Variants in PRDM16 observed in about 807,000 individuals in gnomAD.
PRDM16 encodes PR/SET domain 16.
Under a neutral mutation model 110.6 loss-of-function variants are expected in PRDM16, and 23 were observed. The ratio of observed to expected loss-of-function variants is 0.21; its 90% confidence interval spans 0.15 to 0.29. The LOEUF is 0.29. Among genes scored for constraint, PRDM16 ranks in the 10% least tolerant of loss-of-function variants. PRDM16 has a pLI of 1.00. For synonymous variants in PRDM16, 799 were observed against 781.8 expected (o/e 1.02, Z -0.37); for missense variants, 1,615 against 1,794.3 (o/e 0.90, Z 1.81).
chr1:3,128,793 G>A (rs1390076596), intron 1 of PRDM16, among the ~76,000 whole-genome samples: 8 of 152,234 alleles, frequency 5.3e-5, no homozygotes, highest in Non-Finnish European at 5.9e-5. Flanking sequence ...ATCCTTGGGC[G>A]TAGCCTGAAG....
chr1:3,152,388 C>T (rs1233416848), intron 1 of PRDM16, among the ~76,000 whole-genome samples: 1 of 137,998 alleles, frequency 7.2e-6, no homozygotes, highest in Non-Finnish European at 1.5e-5. Context: ...ATCCATTTAT[C>T]CATCCATCCA....
At chr1:3,162,768 C>G (rs1180190686) in intron 1 of PRDM16, among the ~76,000 whole-genome samples, 2 of 152,184 alleles carry the variant, frequency 1.3e-5, no homozygotes, top group Non-Finnish European at 2.9e-5. Flanking sequence ...CTGGTGACGC[C>G]TGTGCGACCA....
At chr1:3,185,393 T>G (rs113652598) in intron 1 of PRDM16, among the ~76,000 whole-genome samples, 253 of 152,272 alleles carry the variant, frequency 1.7e-3, no homozygotes, top group African/African-American at 5.8e-3. Flanking sequence ...CATCAGGAAC[T>G]TCCACCAGCC....
rs151085505 is a variant in PRDM16, at chr1:3,228,806, G to A, written c.388-15281G>A. ...AGCTTCCCAGGCCTCCTGCCATGGG[G>A]TCTCCTTTCTCTCCCTCCATCTCTC... On this transcript the variant is annotated intron_variant, in intron 2 of 16. Transcript: ENST00000270722. Among the ~76,000 whole-genome samples, 35 of 152,250 alleles carry A rather than the reference G, an allele frequency of 2.3e-4. No homozygotes were observed. In the East Asian group the frequency reaches 6.8e-3, roughly 29 times the overall value.
intron 2 of PRDM16, among the ~76,000 whole-genome samples, chr1:3,217,310 G>T (rs769431994): frequency 6.6e-6 from 1 of 152,218 alleles, no homozygotes; most frequent in Admixed American, 6.5e-5. Context: ...AGCAGTGGGC[G>T]CACGGCAGCT....
intron 3 of PRDM16, among the ~76,000 whole-genome samples, chr1:3,274,129 T>C (rs543135902): frequency 1.5e-4 from 23 of 152,172 alleles, no homozygotes; most frequent in Admixed American, 1.1e-3. Flanking sequence ...CAAGACACTT[T>C]TCAAAGCTTC....
intron 1 of PRDM16, among the ~76,000 whole-genome samples, chr1:3,151,402 G>C (rs1643773351): frequency 6.6e-6 from 1 of 152,248 alleles, no homozygotes; most frequent in African/African-American, 2.4e-5. Context: ...CGAGGGACAG[G>C]GAAAGTGGCT....
intron 5 of PRDM16, among the ~76,000 whole-genome samples, chr1:3,401,908 C>T (rs1188860928): frequency 1.3e-5 from 2 of 152,218 alleles, no homozygotes; most frequent in Non-Finnish European, 2.9e-5. Flanking sequence ...TAGGTGCATG[C>T]AGAAACACAT....
chr1:3,150,544 C>T (rs1409360622), intron 1 of PRDM16, among the ~76,000 whole-genome samples: 4 of 152,184 alleles, frequency 2.6e-5, no homozygotes, highest in South Asian at 2.1e-4. Flanking sequence ...GGTGACAGAG[C>T]GAGACTCCAT....
At chr1:3,272,900 C>T (rs1470922318) in intron 3 of PRDM16, among the ~76,000 whole-genome samples, 1 of 152,212 alleles carries the variant, frequency 6.6e-6, no homozygotes, top group Admixed American at 6.5e-5. Flanking sequence ...TGCCACTCCC[C>T]AGCCTGGGCT....
At chr1:3,129,010 C>T (rs796209035) in intron 1 of PRDM16, among the ~76,000 whole-genome samples, 42 of 152,246 alleles carry the variant, frequency 2.8e-4, no homozygotes, top group African/African-American at 9.1e-4. Context: ...GGGGTGTGGT[C>T]GCTGCTCCCC....
Position 3,270,830 on chromosome 1 carries a change from G to A in PRDM16, c.438+26693G>A, listed in dbSNP as rs186560609. Among the ~76,000 whole-genome samples the A allele has an allele frequency of 2.0e-4, 30 of 151,150 alleles. No individual in the cohort carries two copies. The East Asian group carries it at 3.2e-3, about 16-fold the overall frequency. ...AGGACAGTCCCAGGGGAGGAAAGTC[G>A]GGAGGAGTACAATCCTGGAGGAGGA... On this transcript the variant is annotated intron_variant, in intron 3 of 16. Coordinates refer to ENST00000270722, the MANE Select transcript of PRDM16 (RefSeq NM_022114.4).
intron 1 of PRDM16, among the ~76,000 whole-genome samples, chr1:3,104,731 CA>C (rs201487206): frequency 0.01 from 1,528 of 152,270 alleles, 23 homozygotes; most frequent in African/African-American, 0.034. Context: ...TTGGAGCCCC[CA>C]CCTCCCCACG....
At chr1:3,355,402 G>A (rs1334917086) in intron 3 of PRDM16, among the ~76,000 whole-genome samples, 1 of 152,144 alleles carries the variant, frequency 6.6e-6, no homozygotes, top group African/African-American at 2.4e-5. Context: ...TCTTCAGCCT[G>A]GCGGGGGGCT....
At chr1:3,262,489 C>A (rs1209656018) in intron 3 of PRDM16, among the ~76,000 whole-genome samples, 1 of 152,188 alleles carries the variant, frequency 6.6e-6, no homozygotes, top group Non-Finnish European at 1.5e-5. Context: ...CACAGTGTCA[C>A]CCTTGGCGGG....
chr1:3,204,098 C>T (rs1638694551), intron 2 of PRDM16, among the ~76,000 whole-genome samples: 1 of 152,194 alleles, frequency 6.6e-6, no homozygotes, highest in African/African-American at 2.4e-5. Context: ...AACGGTGGTG[C>T]CAACCCACGT....
chr1:3,169,125 G>C (rs1429995966), intron 1 of PRDM16, among the ~76,000 whole-genome samples: 1 of 152,208 alleles, frequency 6.6e-6, no homozygotes, highest in East Asian at 1.9e-4. Flanking sequence ...AGTGTGGTGT[G>C]TGGCCCTGGA....
At chr1:3,418,587 A>G in intron 11 of PRDM16, 80 bp from the exon 12 acceptor site, 1 of 967,116 alleles carries the variant, frequency 1.0e-6, no homozygotes, top group Non-Finnish European at 1.7e-6. Context: ...CCCGAGCATT[A>G]GCTTGAAACC....
intron 1 of PRDM16, among the ~76,000 whole-genome samples, chr1:3,078,206 C>T (rs1004939336): frequency 6.6e-6 from 1 of 152,148 alleles, no homozygotes; most frequent in African/African-American, 2.4e-5. Flanking sequence ...TCCTGTGTGC[C>T]GGGCTCCGAG....
Sources: gnomAD v4.1 joint callset for allele counts (sites outside exome capture counted in the v4.1 genomes callset) on GRCh38, gnomAD v4.1.1 for gene constraint, MANE v1.5 for transcripts, NCBI Gene and HGNC (gene_info 2026-07-23, HGNC 2026-07-21) for gene names.